CDA: variants seen among roughly 807,000 people sequenced by gnomAD.
CDA encodes the protein cytidine deaminase, also known as cytidine aminohydrolase.
Under a neutral mutation model 15.0 loss-of-function variants are expected in CDA, and 7 were observed. The observed-to-expected ratio is 0.47, with a 90% CI of 0.26 to 0.87. The LOEUF is 0.87. Among genes scored for constraint, CDA ranks in the 40% least tolerant of loss-of-function variants. The probability of loss-of-function intolerance (pLI) is 0.15; values close to 1 mark genes in which losing one functional copy is unlikely to be tolerated. For missense variants in CDA, 159 were observed against 182.7 expected, an observed-to-expected ratio of 0.87 and a Z score of 0.75; for synonymous variants, 58 against 73.0, an observed-to-expected ratio of 0.79 and a Z score of 1.05.
chr1:20,595,157 C>T lies in CDA; in HGVS notation c.154+5874C>T, dbSNP rs536513020. ...TGACCTTAGGACAGTGGTCTCTCTC[C>T]CTCTTTCCTCCTCCTTTCCTCTCCG... On this transcript the variant is annotated intron_variant, in intron 1 of 3. Coordinates refer to ENST00000375071, the MANE Select transcript of CDA (RefSeq NM_001785.3). 2.6e-5 allele frequency among the ~76,000 whole-genome samples: 4 copies of T among 152,252 alleles called. No homozygotes were observed. In the South Asian group the frequency reaches 8.3e-4, roughly 32 times the overall value.
At position 20,609,442 on chromosome 1, in the gene CDA, C is replaced by T. The variant is rs532317137; in HGVS notation, c.267-4400C>T. Reference sequence around the variant, plus strand: ...CAGAGCTTGCAGTGAGCCGAGATCGCGCCACTGCACTCCAGCCTGGGCGAC... The same window carrying T: ...CAGAGCTTGCAGTGAGCCGAGATCGTGCCACTGCACTCCAGCCTGGGCGAC... On this transcript the variant is annotated intron_variant, in intron 2 of 3. Transcript: ENST00000375071. 6.6e-5 allele frequency among the ~76,000 whole-genome samples: 10 copies of T among 152,084 alleles called. No individual in the cohort carries two copies. The East Asian group carries it at 1.5e-3, about 24-fold the overall frequency.
intron 3 of CDA, 56 bp downstream of exon 3, chr1:20,613,955 G>A (rs2052778550): frequency 2.0e-6 from 3 of 1,533,780 alleles, no homozygotes; most frequent in Non-Finnish European, 2.7e-6. Context: ...CGCAGGCTAT[G>A]GGAGCCACGC....
intron 1 of CDA, among the ~76,000 whole-genome samples, chr1:20,591,201 C>T (rs1557544462): frequency 1.3e-5 from 2 of 151,884 alleles, no homozygotes; most frequent in Admixed American, 6.6e-5. Context: ...AATAGCCGGG[C>T]GTGGTGATGG....
chr1:20,608,012 A>C (rs975778093), intron 2 of CDA, among the ~76,000 whole-genome samples: 1 of 152,200 alleles, frequency 6.6e-6, no homozygotes, highest in Non-Finnish European at 1.5e-5. Flanking sequence ...AAGTCTGATA[A>C]GTACGGCCTC....
At chr1:20,596,720 A>G (rs917261532) in intron 1 of CDA, among the ~76,000 whole-genome samples, 2 of 150,310 alleles carry the variant, frequency 1.3e-5, no homozygotes, top group Non-Finnish European at 3.0e-5. Context: ...GCTGGGCCCA[A>G]ATAGCCTCAT....
intron 2 of CDA, among the ~76,000 whole-genome samples, chr1:20,610,551 G>T (rs958994656): frequency 6.6e-6 from 1 of 151,648 alleles, no homozygotes; most frequent in Non-Finnish European, 1.5e-5. Flanking sequence ...CACCCACCTC[G>T]GCCTCCCAAA....
intron 3 of CDA, among the ~76,000 whole-genome samples, chr1:20,617,919 C>T (rs537681446): frequency 3.7e-4 from 56 of 152,248 alleles, no homozygotes; most frequent in African/African-American, 1.3e-3. Context: ...TCATCTCGAA[C>T]TCCTGACCTC....
At chr1:20,599,390 G>A (rs1293059604) in intron 1 of CDA, among the ~76,000 whole-genome samples, 19 of 151,814 alleles carry the variant, frequency 1.3e-4, no homozygotes, top group African/African-American at 2.4e-4. Context: ...AGGCTGAGGC[G>A]GGTGGATCAC....
chr1:20,590,233 A>G (rs1302665831), intron 1 of CDA, among the ~76,000 whole-genome samples: 1 of 152,142 alleles, frequency 6.6e-6, no homozygotes. Context: ...GATTAATGCT[A>G]TCCATTTAAC....
intron 2 of CDA, among the ~76,000 whole-genome samples, chr1:20,612,403 T>C (rs1184281630): frequency 6.7e-6 from 1 of 149,390 alleles, no homozygotes; most frequent in African/African-American, 2.4e-5. Context: ...ACCATTGTGA[T>C]TTGTTCCTTC....
At chr1:20,592,377 A>C (rs920276573) in intron 1 of CDA, among the ~76,000 whole-genome samples, 4 of 152,194 alleles carry the variant, frequency 2.6e-5, no homozygotes, top group African/African-American at 9.7e-5. Context: ...GAAGGTCACA[A>C]ATGATAGCTG....
intron 1 of CDA, among the ~76,000 whole-genome samples, chr1:20,601,823 C>T (rs1248000203): frequency 6.6e-6 from 1 of 152,080 alleles, no homozygotes; most frequent in Non-Finnish European, 1.5e-5. Flanking sequence ...ACAATGAAGA[C>T]TTGGACTTAT....
At chr1:20,593,815 T>C (rs2052569247) in intron 1 of CDA, among the ~76,000 whole-genome samples, 1 of 152,090 alleles carries the variant, frequency 6.6e-6, no homozygotes, top group African/African-American at 2.4e-5. Context: ...CCTCAAATGA[T>C]CCTCCCACCT....
intron 1 of CDA, among the ~76,000 whole-genome samples, chr1:20,593,581 T>C (rs939329202): frequency 2.6e-5 from 4 of 152,198 alleles, no homozygotes; most frequent in Non-Finnish European, 4.4e-5. Context: ...CTTTTGTTTT[T>C]GTTTTTGTTT....
In CDA at chr1:20,606,581, T is replaced by G. The variant is rs1274817771; in HGVS notation, c.266+1542T>G. On this transcript the variant is annotated intron_variant, in intron 2 of 3. Transcript: ENST00000375071. ...CACAAGCTGATGCTAGGATCCTGAATGAGCCACTCAGCACTGCTCTCTCCT... is the reference window on the plus strand; with the variant it reads ...CACAAGCTGATGCTAGGATCCTGAAGGAGCCACTCAGCACTGCTCTCTCCT... Among the ~76,000 whole-genome samples the G allele has an allele frequency of 1.3e-5, 2 of 152,054 alleles. 1 individual carries two copies. Among genetic ancestry groups the G allele is most frequent in the South Asian group, 4.1e-4 (2 of 4,824 alleles).
chr1:20,618,692 C>G lies in CDA; in HGVS notation c.*124C>G. On this transcript the variant is annotated 3_prime_UTR_variant, in exon 4 of 4. Transcript: ENST00000375071. ...CAGGGACTGGGCAAAGATGATGTTTCCAGATTACACTCCAGCCTGAGTCAG... is the reference window on the plus strand; with the variant it reads ...CAGGGACTGGGCAAAGATGATGTTTGCAGATTACACTCCAGCCTGAGTCAG... 1 of 735,098 alleles carries G rather than the reference C, an allele frequency of 1.4e-6. No homozygotes were observed. Among genetic ancestry groups the G allele is most frequent in the South Asian group, 1.4e-5 (1 of 70,796 alleles). 45.5% of individuals were successfully genotyped at this position (735,098 alleles called of 1,614,324 possible).
intron 1 of CDA, among the ~76,000 whole-genome samples, chr1:20,600,753 CAAA>C (rs5772908): frequency 1.1e-4 from 13 of 121,108 alleles, no homozygotes; most frequent in African/African-American, 1.3e-4. Flanking sequence ...GACTCTGTCT[CAAA>C]AAAAAAAAAA....
intron 1 of CDA, among the ~76,000 whole-genome samples, chr1:20,603,009 C>T (rs550839857): frequency 2.9e-4 from 44 of 152,310 alleles, no homozygotes; most frequent in Non-Finnish European, 5.4e-4. Flanking sequence ...AGGGCTGATT[C>T]CCATTGCCAG....
chr1:20,615,053 G>A (rs763878304), intron 3 of CDA, among the ~76,000 whole-genome samples: 1 of 151,956 alleles, frequency 6.6e-6, no homozygotes, highest in Non-Finnish European at 1.5e-5. Flanking sequence ...GTAGAGACTG[G>A]GTTTCACCAT....
Sources: gnomAD v4.1 joint callset for allele counts (sites outside exome capture counted in the v4.1 genomes callset) on GRCh38, gnomAD v4.1.1 for gene constraint, MANE v1.5 for transcripts, NCBI Gene and HGNC (gene_info 2026-07-23, HGNC 2026-07-21) for gene names.